GPHN: variants seen among roughly 807,000 people sequenced by gnomAD.
The protein encoded by GPHN is gephyrin.
In GPHN, 17 loss-of-function variants were observed where a neutral mutation model predicts 95.5. The observed-to-expected ratio is 0.18, with a 90% CI of 0.12 to 0.27. The LOEUF (loss-of-function observed/expected upper bound fraction) is 0.27, where lower values mean the gene tolerates loss of function less well. Among genes scored for constraint, GPHN ranks in the 10% least tolerant of loss-of-function variants. The pLI is 1.00. For synonymous variants in GPHN, 320 were observed against 322.5 expected (o/e 0.99, Z 0.08); for missense variants, 660 against 978.1 (o/e 0.67, Z 4.34).
chr14:67,402,729 C>A, the GPHN span, among the ~76,000 whole-genome samples: 2 of 152,150 alleles, frequency 1.3e-5, no homozygotes, highest in African/African-American at 4.8e-5. Flanking sequence ...ACCTCCAGTT[C>A]CATCCACATT....
At chr14:67,438,152 G>T in the GPHN span, among the ~76,000 whole-genome samples, 2 of 152,126 alleles carry the variant, frequency 1.3e-5, no homozygotes, top group Non-Finnish European at 2.9e-5. Flanking sequence ...AGGACAGTAT[G>T]CTCTGGCCCC....
intron 18 of GPHN, among the ~76,000 whole-genome samples, chr14:67,150,151 T>C (rs2081165455): frequency 6.6e-6 from 1 of 152,028 alleles, no homozygotes; most frequent in African/African-American, 2.4e-5. Flanking sequence ...ACTATTAACA[T>C]TGTAAGGTTG....
chr14:66,601,756 A>G (rs1009471414), intron 1 of GPHN, among the ~76,000 whole-genome samples: 12 of 151,890 alleles, frequency 7.9e-5, no homozygotes, highest in Non-Finnish European at 1.5e-5. Flanking sequence ...TTGTTTCCCA[A>G]TTTTTTGGGA....
the GPHN span, chr14:67,574,300 A>G: frequency 1.2e-6 from 2 of 1,607,434 alleles, no homozygotes; most frequent in Non-Finnish European, 1.7e-6. This position sits in a 1 kb window ranked among gnomAD's most constrained non-coding sequence, Gnocchi z 4.2. Context: ...CTGCTGGAGG[A>G]GTGGATCCGA....
chr14:66,951,476 A>G (rs1207892058), intron 8 of GPHN, among the ~76,000 whole-genome samples: 1 of 150,346 alleles, frequency 6.7e-6, no homozygotes, highest in Non-Finnish European at 1.5e-5. Flanking sequence ...AGATCGCACC[A>G]CTGCACTCCA....
At chr14:67,023,529 A>G (rs2073769353) in intron 9 of GPHN, 104 bp from the exon 10 acceptor site, 3 of 794,700 alleles carry the variant, frequency 3.8e-6, no homozygotes, top group Non-Finnish European at 6.8e-6. Context: ...ATACTAATAT[A>G]TAAAGCCTTT....
At chr14:66,738,271 G>A (rs1187832198) in intron 2 of GPHN, among the ~76,000 whole-genome samples, 1 of 152,154 alleles carries the variant, frequency 6.6e-6, no homozygotes, top group Non-Finnish European at 1.5e-5. Context: ...TTCTGTTTCA[G>A]TTTAAAATGT....
At chr14:67,283,186 A>C in the GPHN span, among the ~76,000 whole-genome samples, 1 of 152,232 alleles carries the variant, frequency 6.6e-6, no homozygotes, top group South Asian at 2.1e-4. Flanking sequence ...GGGGAAGAAA[A>C]CCGGGATGAA....
chr14:66,708,937 A>G (rs1230474052), intron 2 of GPHN, among the ~76,000 whole-genome samples: 1 of 152,024 alleles, frequency 6.6e-6, no homozygotes, highest in Non-Finnish European at 1.5e-5. Flanking sequence ...CATGTGAAGA[A>G]CTCTTAATAG....
chr14:66,641,755 C>A (rs2064425559), intron 1 of GPHN, among the ~76,000 whole-genome samples: 1 of 151,582 alleles, frequency 6.6e-6, no homozygotes, highest in Admixed American at 6.6e-5. Context: ...TATGAGAGTA[C>A]ACATTCTTTT....
the GPHN span, among the ~76,000 whole-genome samples, chr14:67,232,379 A>G: frequency 6.6e-6 from 1 of 152,222 alleles, no homozygotes; most frequent in East Asian, 1.9e-4. Flanking sequence ...GCTAACAGGT[A>G]TGTGAGTGAG....
the GPHN span, among the ~76,000 whole-genome samples, chr14:67,546,257 A>T: frequency 6.6e-6 from 1 of 152,224 alleles, no homozygotes; most frequent in African/African-American, 2.4e-5. Context: ...GTCATGGTCC[A>T]TTTCTTAAAG....
intron 3 of GPHN, among the ~76,000 whole-genome samples, chr14:66,808,285 C>G (rs567195613): frequency 6.6e-6 from 1 of 152,178 alleles, no homozygotes; most frequent in Admixed American, 6.5e-5. Flanking sequence ...AGATATGAAT[C>G]CTTTGATACA....
intron 11 of GPHN, among the ~76,000 whole-genome samples, chr14:67,084,927 G>A (rs1305205624): frequency 6.6e-6 from 1 of 152,234 alleles, no homozygotes; most frequent in Non-Finnish European, 1.5e-5. Flanking sequence ...ACATTTGTCA[G>A]AAATAAAGGT....
chr14:67,723,797 G>A, the GPHN span, among the ~76,000 whole-genome samples: 672 of 152,316 alleles, frequency 4.4e-3, 34 homozygotes, highest in East Asian at 0.1. Context: ...CTGCCCCTCC[G>A]TATTCTGTTT....
At chr14:66,789,419 C>T (rs2059896246) in intron 3 of GPHN, among the ~76,000 whole-genome samples, 3 of 152,186 alleles carry the variant, frequency 2.0e-5, no homozygotes, top group Non-Finnish European at 2.9e-5. Flanking sequence ...CCTATGTAAA[C>T]ATCATACACA....
chr14:66,556,879 A>G (rs184501759), intron 1 of GPHN, among the ~76,000 whole-genome samples: 79 of 152,194 alleles, frequency 5.2e-4, no homozygotes, highest in African/African-American at 1.8e-3. Flanking sequence ...CATTTGCTAC[A>G]CATACTAATT....
chr14:66,881,098 G>A (rs2063907591), intron 5 of GPHN, among the ~76,000 whole-genome samples: 1 of 151,888 alleles, frequency 6.6e-6, no homozygotes, highest in Non-Finnish European at 1.5e-5. Context: ...CTGTTACATA[G>A]ACAAAGTTTA....
At position 66,539,868 on chromosome 14, in the gene GPHN, A is replaced by G. The variant is rs546797554; in HGVS notation, c.64+31277A>G. The stretch of plus-strand genomic sequence containing the variant: ...AGGGCTCTTCTCTTTCTAGAATTTC[A>G]GTTCATCTACTTCTTGTTCTTTCAT... On this transcript the variant is annotated intron_variant, in intron 1 of 22. Coordinates refer to ENST00000478722, the MANE Select transcript of GPHN (RefSeq NM_020806.5). Among the ~76,000 whole-genome samples, 16 of 152,282 alleles carry G rather than the reference A, an allele frequency of 1.1e-4. No individual in the cohort carries two copies. The East Asian group carries it at 3.1e-3, about 29-fold the overall frequency.
Sources: gnomAD v4.1 joint callset for allele counts (sites outside exome capture counted in the v4.1 genomes callset) on GRCh38, gnomAD v4.1.1 for gene constraint, Gnocchi (gnomAD v3.1) non-coding constraint, MANE v1.5 for transcripts, NCBI Gene and HGNC (gene_info 2026-07-23, HGNC 2026-07-21) for gene names.